Variants in GABRB1 observed in about 807,000 individuals in gnomAD.
The protein encoded by GABRB1 is gamma-aminobutyric acid type A receptor subunit beta1, also known as gamma-aminobutyric acid receptor subunit beta-1.
In GABRB1, 17 loss-of-function variants were observed where a neutral mutation model predicts 51.6. The ratio of observed to expected loss-of-function variants is 0.33; its 90% CI spans 0.23 to 0.49. GABRB1 has a LOEUF of 0.49. Ranked by LOEUF, GABRB1 falls within the 20% of genes least tolerant of loss-of-function variation. The pLI is 0.99. For missense variants in GABRB1, 410 were observed against 600.6 expected, an observed-to-expected ratio of 0.68 and a Z score of 3.32; for synonymous variants, 247 against 218.9, an observed-to-expected ratio of 1.13 and a Z score of -1.14.
At chr4:47,327,073 G>C (rs1201052668) in intron 5 of GABRB1, among the ~76,000 whole-genome samples, 1 of 152,140 alleles carries the variant, frequency 6.6e-6, no homozygotes, top group African/African-American at 2.4e-5. Flanking sequence ...TATAAGTCTA[G>C]TTTAATTTTT....
rs1240570751 is a variant in GABRB1 at position 47,350,210 on chromosome 4, TATATATATAGAG to T, written c.544+30003_544+30014del. 5.2e-3 allele frequency among the ~76,000 whole-genome samples: 459 copies of T among 88,720 alleles called. 1 individual carries two copies. The highest frequency in any genetic ancestry group is 6.9e-3 in the Non-Finnish European group (326 of 47,308). 58.2% of individuals were successfully genotyped at this position (88,720 alleles called of 152,430 possible). A position where few individuals can be genotyped will look rare whatever the true frequency, so the allele number is the denominator to read the frequency against. ...ATATATATATATATATATATATATA[TATATATATAGAG>T]AGAGAGAGAGAGAGAGAGAGAGGTT... is the stretch of plus-strand genomic sequence containing the variant. On this transcript the variant is annotated intron_variant, in intron 5 of 8. Coordinates refer to ENST00000295454, the MANE Select transcript of GABRB1 (RefSeq NM_000812.4).
At chr4:47,080,564 T>TA (rs1560524951) in intron 3 of GABRB1, among the ~76,000 whole-genome samples, 33 of 152,066 alleles carry the variant, frequency 2.2e-4, no homozygotes, top group Admixed American at 9.8e-4. Flanking sequence ...TTCTTTTTTT[T>TA]TAAAAAAAAT....
intron 1 of GABRB1, among the ~76,000 whole-genome samples, chr4:47,014,143 A>G (rs1384705490): frequency 6.6e-6 from 1 of 152,122 alleles, no homozygotes; most frequent in African/African-American, 2.4e-5. Context: ...AGATCTTATA[A>G]TCTCTCATTT....
At chr4:47,148,941 C>A (rs566454892) in intron 3 of GABRB1, among the ~76,000 whole-genome samples, 19 of 152,052 alleles carry the variant, frequency 1.2e-4, no homozygotes, top group Admixed American at 4.6e-4. Flanking sequence ...GGAGGAAAAC[C>A]TTTTGTGCTT....
At chr4:47,364,825 A>C (rs1014146930) in intron 5 of GABRB1, among the ~76,000 whole-genome samples, 1 of 146,206 alleles carries the variant, frequency 6.8e-6, no homozygotes, top group African/African-American at 2.6e-5. Flanking sequence ...AGACTGCTTA[A>C]AATTTGTTTC....
intron 5 of GABRB1, among the ~76,000 whole-genome samples, chr4:47,358,432 G>A (rs1726671175): frequency 6.6e-6 from 1 of 151,742 alleles, no homozygotes. Context: ...GAGAGAGAGA[G>A]AGAGATTTAT....
chr4:47,090,011 T>C (rs1032427072), intron 3 of GABRB1, among the ~76,000 whole-genome samples: 2 of 152,196 alleles, frequency 1.3e-5, no homozygotes, highest in Non-Finnish European at 2.9e-5. Context: ...GCTAACGTAA[T>C]TTTAGTTCTA....
At chr4:47,169,504 C>CTTT (rs33940206) in intron 4 of GABRB1, among the ~76,000 whole-genome samples, 2 of 143,620 alleles carry the variant, frequency 1.4e-5, no homozygotes, top group Non-Finnish European at 1.5e-5. Context: ...GTGGAAGGCA[C>CTTT]TTTTTTTTTT....
rs576342713 is a variant in GABRB1 at position 47,297,817 on chromosome 4, T to G, written c.462-22310T>G. 1.4e-4 allele frequency among the ~76,000 whole-genome samples: 22 copies of G among 152,302 alleles called. No individual in the cohort carries two copies. In the East Asian group the frequency reaches 4.2e-3, roughly 29 times the overall value. ...AGAGACACAACCAAAAAAGAGAATT[T>G]TAGACCAATATCCTTGATGAATATT... On this transcript the variant is annotated intron_variant, in intron 4 of 8. Transcript: ENST00000295454.
intron 4 of GABRB1, among the ~76,000 whole-genome samples, chr4:47,271,947 A>G (rs1313603265): frequency 6.6e-6 from 1 of 151,682 alleles, no homozygotes; most frequent in Non-Finnish European, 1.5e-5. Context: ...GGTGAGTTTT[A>G]CTAGTATATA....
chr4:47,126,463 G>A (rs1328033985), intron 3 of GABRB1, among the ~76,000 whole-genome samples: 1 of 152,100 alleles, frequency 6.6e-6, no homozygotes, highest in Non-Finnish European at 1.5e-5. Flanking sequence ...TTATAGAAAT[G>A]TTAGCTTGAT....
At chr4:47,377,923 AG>A (rs1218033833) in intron 5 of GABRB1, among the ~76,000 whole-genome samples, 1 of 152,168 alleles carries the variant, frequency 6.6e-6, no homozygotes, top group Non-Finnish European at 1.5e-5. Flanking sequence ...ACAATCCCTG[AG>A]CTAGACATAA....
At chr4:47,009,103 A>C (rs554159797) in intron 1 of GABRB1, among the ~76,000 whole-genome samples, 1 of 149,490 alleles carries the variant, frequency 6.7e-6, no homozygotes, top group African/African-American at 2.4e-5. Flanking sequence ...TGACCTCATG[A>C]TCCACCCACC....
intron 4 of GABRB1, among the ~76,000 whole-genome samples, chr4:47,167,707 A>G (rs912432009): frequency 3.3e-5 from 5 of 152,116 alleles, no homozygotes; most frequent in African/African-American, 1.2e-4. Context: ...TTGCAAATGG[A>G]CTAAAGCTTT....
chr4:47,242,909 T>A (rs1308900108), intron 4 of GABRB1, among the ~76,000 whole-genome samples: 1 of 152,244 alleles, frequency 6.6e-6, no homozygotes, highest in East Asian at 1.9e-4. Flanking sequence ...CATTTGTCAA[T>A]TTCGGCTTTC....
At chr4:47,212,105 C>G (rs944572100) in intron 4 of GABRB1, among the ~76,000 whole-genome samples, 1 of 151,844 alleles carries the variant, frequency 6.6e-6, no homozygotes, top group African/African-American at 2.4e-5. Flanking sequence ...TATCAGAACC[C>G]GAAAAGAGCT....
chr4:47,024,336 T>A lies in GABRB1; in HGVS notation c.-19-7578T>A, dbSNP rs369239770. On this transcript the variant is annotated intron_variant, in intron 1 of 3. Transcript: ENST00000513567. The stretch of plus-strand genomic sequence containing the variant: ...TATGCCCATATTTTTATGTGAGGGT[T>A]CATATTGAGAAGTATTTTATTTCTT... Among the ~76,000 whole-genome samples, 4 of 152,088 alleles carry A rather than the reference T, an allele frequency of 2.6e-5. No individual in the cohort carries two copies. The East Asian group carries it at 7.7e-4, about 29-fold the overall frequency.
At chr4:47,095,205 A>G (rs1190141824) in intron 3 of GABRB1, among the ~76,000 whole-genome samples, 1 of 151,996 alleles carries the variant, frequency 6.6e-6, no homozygotes, top group Non-Finnish European at 1.5e-5. Context: ...TACTCATTTT[A>G]CTAGAACCCC....
chr4:47,394,621 G>T (rs183225485), intron 5 of GABRB1, among the ~76,000 whole-genome samples: 1 of 152,010 alleles, frequency 6.6e-6, no homozygotes, highest in East Asian at 1.9e-4. Flanking sequence ...CTCCTTAAAG[G>T]ATTTTTAAAA....
Sources: gnomAD v4.1 joint callset for allele counts (sites outside exome capture counted in the v4.1 genomes callset) on GRCh38, gnomAD v4.1.1 for gene constraint, MANE v1.5 for transcripts, NCBI Gene and HGNC (gene_info 2026-07-23, HGNC 2026-07-21) for gene names.